KCNIP4: variants seen among roughly 807,000 people sequenced by gnomAD.
KCNIP4 encodes the protein Kv channel-interacting protein 4.
A neutral mutation model predicts 34.0 loss-of-function variants in KCNIP4; 12 were observed. The ratio of observed to expected loss-of-function variants is 0.35; its 90% CI spans 0.23 to 0.57. KCNIP4 has a LOEUF of 0.57. Among genes scored for constraint, KCNIP4 ranks in the 20% least tolerant of loss-of-function variants. The probability of loss-of-function intolerance (pLI) is 0.83; values close to 1 mark genes in which losing one functional copy is unlikely to be tolerated. For missense variants in KCNIP4, 238 were observed against 311.7 expected (o/e 0.76, Z 1.78); for synonymous variants, 124 against 102.2 (o/e 1.21, Z -1.29).
chr4:20,864,123 T>TATGC (rs1458817794), intron 2 of KCNIP4, among the ~76,000 whole-genome samples: 13 of 120,622 alleles, frequency 1.1e-4, no homozygotes, highest in Non-Finnish European at 1.7e-4. Context: ...CATATCCATG[T>TATGC]ATACACATGT....
chr4:21,255,503 T>A (rs1335890568), intron 1 of KCNIP4, among the ~76,000 whole-genome samples: 3 of 152,174 alleles, frequency 2.0e-5, no homozygotes, highest in Non-Finnish European at 4.4e-5. Flanking sequence ...CTGCTTCATC[T>A]GACATTTAAT....
chr4:20,730,561 TTGGAGGCTGGCGCATAGGAGGCAGGGTGG>T (rs577147704), intron 8 of KCNIP4, among the ~76,000 whole-genome samples: 252 of 152,060 alleles, frequency 1.7e-3, no homozygotes, highest in African/African-American at 5.7e-3. Context: ...TTCATGAAGA[TTGGAGGCTGGCGCATAGGAGGCAGGGTGG>T]TGGATTAAGA....
intron 1 of KCNIP4, among the ~76,000 whole-genome samples, chr4:21,826,613 G>A (rs776892951): frequency 3.3e-5 from 5 of 151,988 alleles, no homozygotes; most frequent in Admixed American, 2.6e-4. Context: ...GTAAACTGGT[G>A]TTGAGGTTGA....
At chr4:21,107,129 C>G (rs944235338) in intron 1 of KCNIP4, among the ~76,000 whole-genome samples, 4 of 146,990 alleles carry the variant, frequency 2.7e-5, no homozygotes, top group Non-Finnish European at 5.9e-5. Flanking sequence ...TGGTGCAGAG[C>G]TGAGTTCAAT....
Position 21,707,848 on chromosome 4 carries a change from T to C in KCNIP4, c.61+240723A>G, listed in dbSNP as rs556674521. On this transcript the variant is annotated intron_variant, in intron 1 of 8. Coordinates refer to ENST00000382152, the MANE Select transcript of KCNIP4 (RefSeq NM_025221.6). The stretch of plus-strand genomic sequence containing the variant: ...AAGTTTCCAGTCATAGATTTATACC[T>C]AGATTATAAGAAAAAAGGATGAGAC... 4.0e-5 allele frequency among the ~76,000 whole-genome samples: 6 copies of C among 151,748 alleles called. No homozygotes were observed. The East Asian group carries it at 1.2e-3, about 30-fold the overall frequency.
In KCNIP4 at chr4:21,352,749, G is replaced by A. The variant is rs562162081; in HGVS notation, c.62-470040C>T. Among the ~76,000 whole-genome samples the A allele has an allele frequency of 2.4e-4, 36 of 152,322 alleles. 1 individual carries two copies. Among genetic ancestry groups the A allele is most frequent in the South Asian group, 2.1e-4 (1 of 4,828 alleles). On this transcript the variant is annotated intron_variant, in intron 1 of 8. Transcript: ENST00000382152. ...AACTTCTACAGACTTAAACATCCCC[G>A]TCTGACAGCTCTGAAGAGAGCAGTG...
chr4:21,068,779 T>C (rs149036624), intron 1 of KCNIP4, among the ~76,000 whole-genome samples: 2 of 152,344 alleles, frequency 1.3e-5, no homozygotes, highest in Non-Finnish European at 2.9e-5. Flanking sequence ...ATTTGTTTAT[T>C]GTCTAGCTGT....
At chr4:21,419,541 T>C (rs1009717189) in intron 1 of KCNIP4, among the ~76,000 whole-genome samples, 1 of 152,126 alleles carries the variant, frequency 6.6e-6, no homozygotes, top group Non-Finnish European at 1.5e-5. Flanking sequence ...TACAGTAATA[T>C]CTATCTTAAA....
At chr4:21,477,581 G>A (rs1386143100) in intron 1 of KCNIP4, among the ~76,000 whole-genome samples, 1 of 152,122 alleles carries the variant, frequency 6.6e-6, no homozygotes, top group Non-Finnish European at 1.5e-5. Context: ...GGACAAAGGT[G>A]AATATATATA....
intron 2 of KCNIP4, among the ~76,000 whole-genome samples, chr4:20,862,540 A>T (rs1722314553): frequency 6.6e-6 from 1 of 152,138 alleles, no homozygotes; most frequent in Non-Finnish European, 1.5e-5. Flanking sequence ...AAGCAATGGT[A>T]TGTGGAGAGA....
At chr4:21,353,513 A>G (rs1313989152) in intron 1 of KCNIP4, among the ~76,000 whole-genome samples, 1 of 152,202 alleles carries the variant, frequency 6.6e-6, no homozygotes, top group African/African-American at 2.4e-5. Flanking sequence ...ACAAGCTTCA[A>G]TAGCTGATTT....
intron 1 of KCNIP4, among the ~76,000 whole-genome samples, chr4:21,189,904 A>G (rs999158538): frequency 3.9e-5 from 6 of 152,244 alleles, no homozygotes; most frequent in African/African-American, 1.4e-4. Context: ...AAACATGTTC[A>G]TCATCAAACC....
chr4:21,200,744 T>C (rs1180724495), intron 1 of KCNIP4, among the ~76,000 whole-genome samples: 1 of 151,772 alleles, frequency 6.6e-6, no homozygotes, highest in Non-Finnish European at 1.5e-5. Flanking sequence ...CACAATACAA[T>C]TCATGCATGT....
At chr4:21,821,189 A>C (rs908586246) in intron 1 of KCNIP4, among the ~76,000 whole-genome samples, 1 of 152,096 alleles carries the variant, frequency 6.6e-6, no homozygotes, top group Non-Finnish European at 1.5e-5. Context: ...TAGATACCCC[A>C]GGTAGATAAC....
At chr4:21,254,030 G>C (rs561497249) in intron 1 of KCNIP4, among the ~76,000 whole-genome samples, 4 of 152,280 alleles carry the variant, frequency 2.6e-5, no homozygotes, top group African/African-American at 9.6e-5. Context: ...ATTTGTGATT[G>C]CCAGGGGTAA....
At chr4:21,152,999 T>A (rs1752870126) in intron 1 of KCNIP4, among the ~76,000 whole-genome samples, 1 of 152,234 alleles carries the variant, frequency 6.6e-6, no homozygotes, top group African/African-American at 2.4e-5. Context: ...CTTCATTCTT[T>A]AATTTTACAA....
chr4:21,179,697 C>A (rs1369523676), intron 1 of KCNIP4, among the ~76,000 whole-genome samples: 1 of 152,086 alleles, frequency 6.6e-6, no homozygotes, highest in African/African-American at 2.4e-5. Flanking sequence ...GAGATACAGG[C>A]TAACTTTAAT....
intron 3 of KCNIP4, among the ~76,000 whole-genome samples, chr4:20,762,047 A>T (rs2149363759): frequency 6.6e-6 from 1 of 152,304 alleles, no homozygotes; most frequent in Middle Eastern, 3.4e-3. Context: ...AGGCTCCTTT[A>T]ACAAAATGCC....
chr4:21,427,961 G>A (rs1028406606), intron 1 of KCNIP4, among the ~76,000 whole-genome samples: 1 of 152,072 alleles, frequency 6.6e-6, no homozygotes, highest in African/African-American at 2.4e-5. Context: ...TAAGTCATAT[G>A]AATTGTTCTT....
Sources: gnomAD v4.1 joint callset for allele counts (sites outside exome capture counted in the v4.1 genomes callset) on GRCh38, gnomAD v4.1.1 for gene constraint, MANE v1.5 for transcripts, NCBI Gene and HGNC (gene_info 2026-07-23, HGNC 2026-07-21) for gene names.